GABBR1: variants seen among roughly 807,000 people sequenced by gnomAD.
GABBR1 encodes the protein gamma-aminobutyric acid type B receptor subunit 1, also known as GABA-B receptor, R1 subunit.
In GABBR1, 35 loss-of-function variants were observed where a neutral mutation model predicts 117.7. The ratio of observed to expected loss-of-function variants is 0.30; its 90% confidence interval spans 0.23 to 0.39. GABBR1 has a LOEUF of 0.39. Ranked by LOEUF, GABBR1 falls within the 10% of genes least tolerant of loss-of-function variation. The pLI is 1.00. For synonymous variants in GABBR1, 442 were observed against 486.6 expected (o/e 0.91, Z 1.21); for missense variants, 709 against 1,241.8 (o/e 0.57, Z 6.45).
At chr6:29,612,063 G>A (rs903672122) in intron 13 of GABBR1, among the ~76,000 whole-genome samples, 64 of 152,132 alleles carry the variant, frequency 4.2e-4, no homozygotes, top group African/African-American at 1.4e-3. Flanking sequence ...GTGCAGTGGC[G>A]TGATCTCAGC....
In GABBR1 at chr6:29,605,552, A is replaced by G; in HGVS notation, c.2439+17T>C. 1 of 1,612,696 alleles carries G rather than the reference A, an allele frequency of 6.2e-7. No homozygotes were observed. Among genetic ancestry groups the G allele is most frequent in the Non-Finnish European group, 8.5e-7 (1 of 1,179,926 alleles). On this transcript the variant is annotated intron_variant, in intron 20 of 22. Transcript: ENST00000377034. This position sits in a 1 kb window ranked among gnomAD's most constrained non-coding sequence, Gnocchi z 4.2. ...GTGGTCAGCCTACAGGGTCAATGCC[A>G]TGGGGTCAGTGCTCACTGCCACATT...
chr6:29,608,086 C>G (rs931359003), intron 16 of GABBR1, among the ~76,000 whole-genome samples: 5 of 152,172 alleles, frequency 3.3e-5, no homozygotes, highest in Non-Finnish European at 5.9e-5. Flanking sequence ...ACTCAACTAT[C>G]ACTGTTGAAG....
At position 29,609,517 on chromosome 6, in the gene GABBR1, C is replaced by T. The variant is rs1762315005; in HGVS notation, c.1709-138G>A. On this transcript the variant is annotated intron_variant, in intron 14 of 22. Transcript: ENST00000377034. The surrounding 1 kb of genome is among the most constrained non-coding windows in gnomAD (Gnocchi z 4.3). ...AGTCATTGGCTGGGGACATGAGGCCCTAACTGCACTGGACAGAGGTTACTG... is the reference window on the plus strand; with the variant it reads ...AGTCATTGGCTGGGGACATGAGGCCTTAACTGCACTGGACAGAGGTTACTG... 1 of 716,424 alleles carries T rather than the reference C, an allele frequency of 1.4e-6. No homozygotes were observed. The allele number at this position is 716,424 out of a possible 1,614,324, so 44.4% of individuals were successfully genotyped here.
chr6:29,603,736 T>C lies in GABBR1; in HGVS notation c.2713-20A>G, dbSNP rs923294812. ...CTCTTTCTGGAGGAAGAAGCACAAT[T>C]GGGATAGTAGGAGAAGAGGAGGTGA... On this transcript the variant is annotated intron_variant, in intron 22 of 22. Transcript: ENST00000377034. The C allele has an allele frequency of 6.8e-7, 1 of 1,459,990 alleles. No homozygotes were observed. The highest frequency in any genetic ancestry group is 9.0e-7 in the Non-Finnish European group (1 of 1,107,780). The allele number at this position is 1,459,990 out of a possible 1,614,324, so 90.4% of individuals were successfully genotyped here.
chr6:29,606,867 C>G lies in GABBR1; in HGVS notation c.2217+30G>C. On this transcript the variant is annotated intron_variant, in intron 18 of 22. Transcript: ENST00000377034. The surrounding 1 kb of genome is among the most constrained non-coding windows in gnomAD (Gnocchi z 4.5). ...TGGCCACTGAGCCCTGCTCATTCTC[C>G]TGACCATAGCACCTCCTCTCCAGTG... 1.3e-6 allele frequency: 2 copies of G among 1,588,536 alleles called. No individual in the cohort carries two copies. The highest frequency in any genetic ancestry group is 1.7e-6 in the Non-Finnish European group (2 of 1,157,110).
At chr6:29,616,176 G>A (rs1041131288) in intron 11 of GABBR1, among the ~76,000 whole-genome samples, 1 of 151,796 alleles carries the variant, frequency 6.6e-6, no homozygotes, top group South Asian at 2.1e-4. Context: ...ACTCAAGCCT[G>A]GGCAATAAGA....
At position 29,622,283 on chromosome 6, in the gene GABBR1, T is replaced by C. The variant is rs987418934; in HGVS notation, c.964-78A>G. On this transcript the variant is annotated intron_variant, in intron 8 of 22. Coordinates refer to ENST00000377034, the MANE Select transcript of GABBR1 (RefSeq NM_001470.4). This position sits in a 1 kb window ranked among gnomAD's most constrained non-coding sequence, Gnocchi z 4.6. ...AAAGACCAGAGAGGTTAACTGGGGA[T>C]TTCAGAGCAATACTCAGATAGAGCA... is the stretch of plus-strand genomic sequence containing the variant. 1.4e-5 allele frequency: 13 copies of C among 923,816 alleles called. No individual in the cohort carries two copies. The African/African-American group carries it at 2.1e-4, about 15-fold the overall frequency. 57.2% of individuals were successfully genotyped at this position (923,816 alleles called of 1,614,324 possible). A position where few individuals can be genotyped will look rare whatever the true frequency, so the allele number is the denominator to read the frequency against.
At position 29,627,527 on chromosome 6, in the gene GABBR1, G is replaced by A. The variant is rs1583015296; in HGVS notation, c.616C>T (p.Leu206=). The part of the protein sequence containing the change: ...LEDVNSRRDI[L]PDYELKLIHH... ...ATGAGCTTGAGCTCATAGTCCGGCA[G>A]GATGTCCCTGCGGCTATTCACGTCC... is the stretch of plus-strand genomic sequence containing the variant. The change falls in exon 6 of 23, where the codon CTG becomes TTG. Residue 206 remains leucine, a synonymous_variant. Transcript: ENST00000377034. The surrounding 1 kb of genome is among the most constrained non-coding windows in gnomAD (Gnocchi z 4.4). 1 of 1,598,668 alleles carries A rather than the reference G, an allele frequency of 6.3e-7. No individual in the cohort carries two copies. The highest frequency in any genetic ancestry group is 8.5e-7 in the Non-Finnish European group (1 of 1,172,858).
chr6:29,613,587 G>A lies in GABBR1; in HGVS notation c.1324-102C>T. 7.2e-7 allele frequency: 1 copy of A among 1,397,042 alleles called. No individual in the cohort carries two copies. Among genetic ancestry groups the A allele is most frequent in the Non-Finnish European group, 9.8e-7 (1 of 1,017,554 alleles). The allele number at this position is 1,397,042 out of a possible 1,614,324, so 86.5% of individuals were successfully genotyped here. On this transcript the variant is annotated intron_variant, in intron 11 of 22. Transcript: ENST00000377034. The surrounding 1 kb of genome is among the most constrained non-coding windows in gnomAD (Gnocchi z 4.1). ...TCAATCACTTCTACTTGAATGGATG[G>A]TTTGTGTTACTGTTGTCAGATTGGA... is the stretch of plus-strand genomic sequence containing the variant.
At chr6:29,615,608 TTAAAAA>T (rs1366825952) in intron 11 of GABBR1, among the ~76,000 whole-genome samples, 1 of 126,970 alleles carries the variant, frequency 7.9e-6, no homozygotes, top group Non-Finnish European at 1.7e-5. Context: ...GACTCTGCCT[TTAAAAA>T]AAAAAAAAAA....
In GABBR1 at chr6:29,605,864, G is replaced by T; in HGVS notation, c.2312-168C>A. 1 of 729,852 alleles carries T rather than the reference G, an allele frequency of 1.4e-6. No individual in the cohort carries two copies. Among genetic ancestry groups the T allele is most frequent in the Non-Finnish European group, 2.2e-6 (1 of 453,120 alleles). 45.2% of individuals were successfully genotyped at this position (729,852 alleles called of 1,614,324 possible). ...TCACCCTGTGTCCCCTATCCCTTAT[G>T]TCCACCCAACTTGCCCAGACCACAT... is the stretch of plus-strand genomic sequence containing the variant. On this transcript the variant is annotated intron_variant, in intron 19 of 22. Coordinates refer to ENST00000377034, the MANE Select transcript of GABBR1 (RefSeq NM_001470.4). This position sits in a 1 kb window ranked among gnomAD's most constrained non-coding sequence, Gnocchi z 4.2.
At position 29,604,967 on chromosome 6, in the gene GABBR1, G is replaced by A; in HGVS notation, c.2461C>T (p.Pro821Ser). The A allele has an allele frequency of 3.7e-6, 6 of 1,612,590 alleles. No individual in the cohort carries two copies. Among genetic ancestry groups the A allele is most frequent in the Non-Finnish European group, 5.1e-6 (6 of 1,179,756 alleles). The change falls in exon 21 of 23, where the codon CCT becomes TCT. Residue 821 changes from proline to serine, a missense_variant. Physicochemically the swap from Pro to Ser is moderately conservative, Grantham distance 74. Transcript: ENST00000377034. This position sits in a 1 kb window ranked among gnomAD's most constrained non-coding sequence, Gnocchi z 5.3. ...NVAVLCLITA[P>S]VTMILSSQQD... ...TGGCTGGACAGAATCATGGTGACAG[G>A]AGCAGTGATGAGGCACAGGACCTAG...
intron 12 of GABBR1, 66 bp from the exon 13 acceptor site, chr6:29,612,680 G>T: frequency 3.0e-6 from 4 of 1,320,370 alleles, no homozygotes; most frequent in Non-Finnish European, 3.3e-6. Context: ...GAACATCAGG[G>T]ACTCTTTAAA....
At position 29,621,019 on chromosome 6, in the gene GABBR1, C is replaced by T; in HGVS notation, c.1323+82G>A. On this transcript the variant is annotated intron_variant, in intron 11 of 22. Transcript: ENST00000377034. The surrounding 1 kb of genome is among the most constrained non-coding windows in gnomAD (Gnocchi z 5.0). ...TTTATATCCAAATTCCGCACCCTCTCCCTGCCACCCTTTCCCCTGCAAGGC... is the reference window on the plus strand; with the variant it reads ...TTTATATCCAAATTCCGCACCCTCTTCCTGCCACCCTTTCCCCTGCAAGGC... 3 of 1,267,988 alleles carry T rather than the reference C, an allele frequency of 2.4e-6. No individual in the cohort carries two copies. Among genetic ancestry groups the T allele is most frequent in the Non-Finnish European group, 3.3e-6 (3 of 911,338 alleles). The allele number at this position is 1,267,988 out of a possible 1,614,324, so 78.5% of individuals were successfully genotyped here. A position where few individuals can be genotyped will look rare whatever the true frequency, so the allele number is the denominator to read the frequency against.
chr6:29,612,429 G>A, intron 13 of GABBR1, 122 bp downstream of exon 13: 1 of 670,302 alleles, frequency 1.5e-6, no homozygotes, highest in Non-Finnish European at 2.6e-6. Flanking sequence ...TAAAAGAGAA[G>A]GGCAGAAGTT....
Position 29,606,553 on chromosome 6 carries a change from T to C in GABBR1, c.2218-69A>G, listed in dbSNP as rs1430829869. ...CCCTCCTCTCCTCAACGCTTCTCAG[T>C]CTCTGGCTTCCAACTGTTTTCCTAT... On this transcript the variant is annotated intron_variant, in intron 18 of 22. Coordinates refer to ENST00000377034, the MANE Select transcript of GABBR1 (RefSeq NM_001470.4). The surrounding 1 kb of genome is among the most constrained non-coding windows in gnomAD (Gnocchi z 4.5). 1 of 1,057,244 alleles carries C rather than the reference T, an allele frequency of 9.5e-7. No homozygotes were observed. The highest frequency in any genetic ancestry group is 1.6e-5 in the African/African-American group (1 of 64,076). The allele number at this position is 1,057,244 out of a possible 1,614,324, so 65.5% of individuals were successfully genotyped here.
chr6:29,624,873 G>A (rs570074594), intron 6 of GABBR1, among the ~76,000 whole-genome samples: 9 of 152,184 alleles, frequency 5.9e-5, no homozygotes, highest in Non-Finnish European at 1.0e-4. Context: ...ACTGATATAT[G>A]ACATTTCAGA....
At chr6:29,625,744 G>A (rs535867525) in intron 6 of GABBR1, among the ~76,000 whole-genome samples, 1 of 152,216 alleles carries the variant, frequency 6.6e-6, no homozygotes, top group East Asian at 1.9e-4. Flanking sequence ...TGTCATGGTG[G>A]ATGAGTTTGA....
intron 14 of GABBR1, among the ~76,000 whole-genome samples, chr6:29,610,130 C>A (rs1252720501): frequency 2.0e-5 from 3 of 151,024 alleles, no homozygotes. Context: ...ATCTGCTGGG[C>A]AGGGCAGACG....
Sources: allele counts gnomAD v4.1 joint callset (sites outside exome capture counted in the v4.1 genomes callset), GRCh38; gene constraint gnomAD v4.1.1; non-coding constraint Gnocchi (gnomAD v3.1); transcripts MANE v1.5; gene names NCBI Gene and HGNC (gene_info 2026-07-23, HGNC 2026-07-21).